Variants in MDGA2 observed in about 807,000 individuals in gnomAD.
The protein encoded by MDGA2 is MAM domain-containing glycosylphosphatidylinositol anchor protein 2.
MDGA2 carries 40 observed loss-of-function variants against 117.8 expected under a neutral mutation model. That is an observed-to-expected ratio of 0.34 (90% confidence interval 0.26 to 0.44). MDGA2 has a LOEUF of 0.44. MDGA2 is among the 20% of genes least tolerant of loss of function. The pLI, the probability that MDGA2 is intolerant of heterozygous loss-of-function variation, is 1.00. For missense variants in MDGA2, 1,123 were observed against 1,250.6 expected (o/e 0.90, Z 1.54); for synonymous variants, 452 against 439.0 (o/e 1.03, Z -0.37).
In MDGA2 at chr14:46,997,028, T is replaced by C. The variant is rs1412221161; in HGVS notation, c.1819+37983A>G. On this transcript the variant is annotated intron_variant, in intron 8 of 16. Coordinates refer to ENST00000399232, the MANE Select transcript of MDGA2 (RefSeq NM_001113498.3). Reference sequence around the variant, plus strand: ...AACTAGGTGTTGGATTTGATTAAGGTTTGCCCAAGGTTTGAAAGATTGAGC... The same window carrying C: ...AACTAGGTGTTGGATTTGATTAAGGCTTGCCCAAGGTTTGAAAGATTGAGC... The C allele has an allele frequency of 2.2e-5, 7 of 314,382 alleles. No homozygotes were observed. The Admixed American group carries it at 2.8e-4, about 13-fold the overall frequency. 19.5% of individuals were successfully genotyped at this position (314,382 alleles called of 1,614,324 possible). A position where few individuals can be genotyped will look rare whatever the true frequency, so the allele number is the denominator to read the frequency against.
chr14:47,470,092 T>G (rs1057005909), intron 1 of MDGA2, among the ~76,000 whole-genome samples: 1 of 149,704 alleles, frequency 6.7e-6, no homozygotes, highest in Non-Finnish European at 1.5e-5. Flanking sequence ...GGTTTTTTTT[T>G]CATCTTTTTA....
chr14:47,042,043 T>A (rs1889089233), intron 7 of MDGA2, among the ~76,000 whole-genome samples: 2 of 152,058 alleles, frequency 1.3e-5, no homozygotes, highest in Non-Finnish European at 2.9e-5. Context: ...TCCAAGAATC[T>A]TAAAATAAGC....
intron 1 of MDGA2, among the ~76,000 whole-genome samples, chr14:47,490,735 GA>G (rs1894151841): frequency 6.6e-6 from 1 of 152,086 alleles, no homozygotes. Flanking sequence ...AAACATAAGT[GA>G]TAATAAAAAA....
At chr14:47,012,019 G>A (rs759921510) in intron 8 of MDGA2, among the ~76,000 whole-genome samples, 2 of 151,798 alleles carry the variant, frequency 1.3e-5, no homozygotes, top group African/African-American at 2.4e-5. Flanking sequence ...TAGCTTTTAG[G>A]CATTTACATT....
intron 2 of MDGA2, among the ~76,000 whole-genome samples, chr14:47,295,646 G>A (rs1204678693): frequency 2.0e-5 from 3 of 152,270 alleles, no homozygotes; most frequent in East Asian, 1.9e-4. Context: ...GCTCACAACT[G>A]TAATCCTAGC....
At chr14:47,074,582 G>T (rs1398566758) in intron 6 of MDGA2, among the ~76,000 whole-genome samples, 1 of 152,242 alleles carries the variant, frequency 6.6e-6, no homozygotes, top group Non-Finnish European at 1.5e-5. Flanking sequence ...TTACAGGCGT[G>T]AGCCACCGCG....
chr14:47,008,098 G>C (rs973925937), intron 8 of MDGA2, among the ~76,000 whole-genome samples: 2 of 151,796 alleles, frequency 1.3e-5, no homozygotes, highest in African/African-American at 4.8e-5. Context: ...CCATGAGTTT[G>C]AATATTCCAT....
rs560313814 is a variant in MDGA2 at position 47,099,748 on chromosome 14, T to G, written c.926-2625A>C. Reference sequence around the variant, plus strand: ...GTGAACTTGAGCAAGTTCTTTGTTTTCAGTTGAGGGCCTCAATTTCCCATT... The same window carrying G: ...GTGAACTTGAGCAAGTTCTTTGTTTGCAGTTGAGGGCCTCAATTTCCCATT... On this transcript the variant is annotated intron_variant, in intron 5 of 16. Transcript: ENST00000399232. Among the ~76,000 whole-genome samples the G allele has an allele frequency of 9.9e-5, 15 of 152,162 alleles. 1 individual carries two copies. Among genetic ancestry groups the G allele is most frequent in the African/African-American group, 3.6e-4 (15 of 41,560 alleles).
At chr14:47,088,360 G>A (rs2138932107) in intron 6 of MDGA2, among the ~76,000 whole-genome samples, 1 of 152,248 alleles carries the variant, frequency 6.6e-6, no homozygotes, top group East Asian at 1.9e-4. Flanking sequence ...AGAGAAATAA[G>A]CACTTAATCT....
chr14:47,151,074 G>A (rs972226365), intron 3 of MDGA2, among the ~76,000 whole-genome samples: 2 of 152,108 alleles, frequency 1.3e-5, no homozygotes, highest in Non-Finnish European at 2.9e-5. Context: ...TGGGTTCTTT[G>A]GAAATCTGAT....
intron 1 of MDGA2, among the ~76,000 whole-genome samples, chr14:47,360,726 T>C (rs1891102230): frequency 1.3e-5 from 2 of 152,098 alleles, no homozygotes; most frequent in Admixed American, 6.5e-5. Flanking sequence ...TGTAGATATA[T>C]ACCCAAAGGA....
chr14:47,254,994 C>T (rs1474620524), intron 2 of MDGA2, among the ~76,000 whole-genome samples: 1 of 152,170 alleles, frequency 6.6e-6, no homozygotes, highest in East Asian at 1.9e-4. Flanking sequence ...AGGAAAATGG[C>T]ATGAGCGAAA....
intron 9 of MDGA2, among the ~76,000 whole-genome samples, chr14:46,956,003 T>C (rs573669783): frequency 6.6e-6 from 1 of 152,220 alleles, no homozygotes; most frequent in East Asian, 1.9e-4. Context: ...GTAAATGAAC[T>C]AATTGGTGTT....
intron 10 of MDGA2, among the ~76,000 whole-genome samples, chr14:46,913,433 A>G (rs1409189978): frequency 6.6e-6 from 1 of 152,128 alleles, no homozygotes; most frequent in Non-Finnish European, 1.5e-5. Context: ...ATCTATCTAA[A>G]TGGGCTAAGT....
intron 1 of MDGA2, among the ~76,000 whole-genome samples, chr14:47,550,237 G>A (rs1473167528): frequency 2.0e-5 from 3 of 152,130 alleles, no homozygotes; most frequent in Admixed American, 1.3e-4. Context: ...TTTATAAAAT[G>A]TCTTTCAAAG....
At chr14:46,976,069 G>A (rs1316274210) in intron 8 of MDGA2, among the ~76,000 whole-genome samples, 1 of 152,116 alleles carries the variant, frequency 6.6e-6, no homozygotes, top group Non-Finnish European at 1.5e-5. Context: ...AGAGAAAATG[G>A]AGAGTTATTG....
chr14:47,667,824 A>C (rs1898003210), intron 1 of MDGA2, among the ~76,000 whole-genome samples: 2 of 152,168 alleles, frequency 1.3e-5, no homozygotes, highest in Admixed American at 1.3e-4. Context: ...AACAAGACAA[A>C]AAATATACTG....
chr14:47,299,844 CT>C (rs1028789310), intron 2 of MDGA2, among the ~76,000 whole-genome samples: 1 of 151,956 alleles, frequency 6.6e-6, no homozygotes, highest in African/African-American at 2.4e-5. Context: ...CAATTTTATT[CT>C]TTAATCCATT....
At chr14:46,999,901 G>A (rs1277992694) in intron 8 of MDGA2, among the ~76,000 whole-genome samples, 1 of 151,862 alleles carries the variant, frequency 6.6e-6, no homozygotes, top group Admixed American at 6.6e-5. Flanking sequence ...ATGTCTAAGG[G>A]GTTGGCTTTC....
Sources: allele counts gnomAD v4.1 joint callset (sites outside exome capture counted in the v4.1 genomes callset), GRCh38; gene constraint gnomAD v4.1.1; transcripts MANE v1.5; gene names NCBI Gene and HGNC (gene_info 2026-07-23, HGNC 2026-07-21).